Variants in ACACA observed in about 807,000 individuals in gnomAD.
The protein encoded by ACACA is acetyl-CoA carboxylase alpha, also known as acetyl-CoA carboxylase 1.
Under a neutral mutation model 296.1 loss-of-function variants are expected in ACACA, and 103 were observed. The ratio of observed to expected loss-of-function variants is 0.35; its 90% CI spans 0.30 to 0.41. ACACA has a LOEUF of 0.41. Among genes scored for constraint, ACACA ranks in the 10% least tolerant of loss-of-function variants. The pLI, the probability that ACACA is intolerant of heterozygous loss-of-function variation, is 1.00. For synonymous variants in ACACA, 953 were observed against 1,038.6 expected (o/e 0.92, Z 1.58); for missense variants, 1,554 against 2,989.7 (o/e 0.52, Z 11.20).
At chr17:37,319,206 A>G (rs936589051) in intron 3 of ACACA, among the ~76,000 whole-genome samples, 1 of 152,180 alleles carries the variant, frequency 6.6e-6, no homozygotes, top group Non-Finnish European at 1.5e-5. Flanking sequence ...ATAATACACA[A>G]TTTGTGGATT....
intron 51 of ACACA, among the ~76,000 whole-genome samples, chr17:37,112,133 C>T (rs1024386627): frequency 6.6e-6 from 1 of 151,936 alleles, no homozygotes; most frequent in African/African-American, 2.4e-5. Flanking sequence ...ACTGATCAGA[C>T]ACACTAAGCC....
intron 3 of ACACA, among the ~76,000 whole-genome samples, chr17:37,302,202 CTTT>C (rs1238449451): frequency 2.5e-4 from 30 of 120,790 alleles, no homozygotes; most frequent in Non-Finnish European, 2.7e-4. Flanking sequence ...GTCTGGAACT[CTTT>C]TTTTTTTTTT....
Position 37,339,832 on chromosome 17 carries a change from T to C in ACACA, c.57A>G (p.Ile19Met), listed in dbSNP as rs1221657473. The C allele has an allele frequency of 1.4e-6, 2 of 1,380,498 alleles. No homozygotes were observed. Among genetic ancestry groups the C allele is most frequent in the Non-Finnish European group, 2.0e-6 (2 of 978,544 alleles). The allele number at this position is 1,380,498 out of a possible 1,614,324, so 85.5% of individuals were successfully genotyped here. The change falls in exon 2 of 56, where the codon ATA (isoleucine) becomes ATG (methionine). Residue 19 changes from isoleucine (I) to methionine (M), a missense_variant. Around this residue, in one of 16 missense-constraint regions of ACACA, gnomAD observed 140 missense variants for 147.7 expected, o/e 0.95. Coordinates refer to ENST00000616317, the MANE Select transcript of ACACA (RefSeq NM_198834.3). ...ILRARSFWKW[I>M]STQTVRIIRA... ...TTATAATTCTTACTGTCTGAGTAGA[T>C]ATCCACTTCCAAAAAGACCTAGAGA...
chr17:37,322,785 G>A (rs2047416597), intron 3 of ACACA, among the ~76,000 whole-genome samples: 1 of 152,116 alleles, frequency 6.6e-6, no homozygotes, highest in African/African-American at 2.4e-5. Context: ...ATTCAACTCG[G>A]GGCCGTCAGA....
At chr17:37,386,091 T>A in intron 1 of ACACA, 1 of 1,596,886 alleles carries the variant, frequency 6.3e-7, no homozygotes, top group Non-Finnish European at 8.6e-7. Flanking sequence ...CTATAACTCC[T>A]GGGAATAAAG....
At chr17:37,232,157 T>C (rs964935614) in intron 25 of ACACA, among the ~76,000 whole-genome samples, 5 of 152,206 alleles carry the variant, frequency 3.3e-5, no homozygotes, top group African/African-American at 1.2e-4. Flanking sequence ...GAGCAACGCA[T>C]ATCCCATGAC....
chr17:37,247,616 C>T (rs923865569), intron 18 of ACACA, among the ~76,000 whole-genome samples: 4 of 152,228 alleles, frequency 2.6e-5, no homozygotes, highest in Non-Finnish European at 5.9e-5. Flanking sequence ...ATCCACCTGC[C>T]TCGGCCTCCC....
intron 29 of ACACA, among the ~76,000 whole-genome samples, chr17:37,218,818 G>C (rs2079151573): frequency 1.3e-5 from 2 of 152,156 alleles, no homozygotes; most frequent in Admixed American, 1.3e-4. Context: ...AAAAGTACTG[G>C]AGTTAGAAAA....
rs1168446793 is a variant in ACACA at position 37,205,865 on chromosome 17, C to T, written c.3956G>A (p.Arg1319Lys). ...TSLYDEDKVP[R>K]DEPIHILNVA... is the part of the protein sequence containing the mutation. ...ATTGAGAATGTGAATTGGTTCATCC[C>T]TGGGAACCTGTAACTCAAGAACACA... The change falls in exon 33 of 56, where the codon AGG becomes AAG. Residue 1319 changes from arginine (R) to lysine (K), a missense_variant. Around this residue, in one of 16 missense-constraint regions of ACACA, gnomAD observed 179 missense variants for 283.2 expected, o/e 0.63. Coordinates refer to ENST00000616317, the MANE Select transcript of ACACA (RefSeq NM_198834.3). 1 of 1,611,164 alleles carries T rather than the reference C, an allele frequency of 6.2e-7. No individual in the cohort carries two copies. The highest frequency in any genetic ancestry group is 1.7e-5 in the Admixed American group (1 of 60,010).
At chr17:37,135,042 G>GA (rs2075273907) in intron 45 of ACACA, among the ~76,000 whole-genome samples, 1 of 152,006 alleles carries the variant, frequency 6.6e-6, no homozygotes, top group South Asian at 2.1e-4. Context: ...GGAAGGAGAA[G>GA]AAAAAAATGC....
chr17:37,161,227 G>A (rs2076447690), intron 42 of ACACA, among the ~76,000 whole-genome samples: 1 of 152,182 alleles, frequency 6.6e-6, no homozygotes, highest in South Asian at 2.1e-4. Flanking sequence ...ATTCAAAGAT[G>A]GGATTTTTTC....
chr17:37,338,226 C>CA (rs564232257), intron 2 of ACACA, among the ~76,000 whole-genome samples: 4,552 of 67,126 alleles, frequency 0.068, 208 homozygotes, highest in African/African-American at 0.13. Context: ...GACTCCGTCT[C>CA]AAAAAAAAAA....
intron 41 of ACACA, among the ~76,000 whole-genome samples, chr17:37,173,091 T>C (rs2076937998): frequency 2.0e-5 from 3 of 152,202 alleles, no homozygotes; most frequent in African/African-American, 7.2e-5. Context: ...TGGAGCTATT[T>C]TGAGGTTAAA....
chr17:37,231,419 A>G (rs545709472), intron 25 of ACACA, among the ~76,000 whole-genome samples: 56 of 152,364 alleles, frequency 3.7e-4, no homozygotes, highest in African/African-American at 1.3e-3. Flanking sequence ...TCTTCTAGTC[A>G]TATCTGCACT....
At chr17:37,346,340 G>T (rs1012147111) in intron 1 of ACACA, among the ~76,000 whole-genome samples, 48 of 147,036 alleles carry the variant, frequency 3.3e-4, no homozygotes, top group Admixed American at 1.2e-3. Flanking sequence ...AAAGTATTAT[G>T]GCTATGTAAG....
intron 3 of ACACA, among the ~76,000 whole-genome samples, chr17:37,287,740 C>G (rs1443817007): frequency 2.0e-5 from 3 of 147,384 alleles, no homozygotes; most frequent in Non-Finnish European, 4.5e-5. Context: ...GAGACTCTGT[C>G]TCAAAAACAA....
intron 2 of ACACA, among the ~76,000 whole-genome samples, chr17:37,335,841 G>A (rs974009996): frequency 3.3e-5 from 5 of 152,148 alleles, no homozygotes; most frequent in Admixed American, 3.3e-4. Flanking sequence ...TGCTAACCGC[G>A]GAAAGCGGGG....
intron 33 of ACACA, among the ~76,000 whole-genome samples, chr17:37,205,521 A>C (rs1472946246): frequency 6.6e-6 from 1 of 152,196 alleles, no homozygotes. Context: ...GGAGAGATTT[A>C]GGAAGATAAC....
intron 41 of ACACA, among the ~76,000 whole-genome samples, chr17:37,174,241 C>A (rs1160346581): frequency 1.3e-5 from 2 of 150,486 alleles, no homozygotes; most frequent in Non-Finnish European, 3.0e-5. Flanking sequence ...AAAAATAGAT[C>A]CCTAATGCAA....
Sources: allele counts gnomAD v4.1 joint callset (sites outside exome capture counted in the v4.1 genomes callset), GRCh38; gene constraint gnomAD v4.1.1; regional missense constraint gnomAD v4.1.1; transcripts MANE v1.5; gene names NCBI Gene and HGNC (gene_info 2026-07-23, HGNC 2026-07-21).